The following KLHDC3 variants were observed in gnomAD, a reference collection of about 807,000 sequenced individuals.
KLHDC3 encodes the protein kelch domain-containing protein 3.
Under a neutral mutation model 44.1 loss-of-function variants are expected in KLHDC3, and 5 were observed. The observed-to-expected ratio is 0.11, with a 90% CI of 0.06 to 0.24. The LOEUF (loss-of-function observed/expected upper bound fraction) is 0.24, where lower values mean the gene tolerates loss of function less well. Ranked by LOEUF, KLHDC3 falls within the 10% of genes least tolerant of loss-of-function variation. The probability of loss-of-function intolerance (pLI) is 1.00; values close to 1 mark genes in which losing one functional copy is unlikely to be tolerated. For missense variants in KLHDC3, 247 were observed against 514.3 expected (o/e 0.48, Z 5.03); for synonymous variants, 170 against 189.0 (o/e 0.90, Z 0.82).
Position 43,018,234 on chromosome 6 carries a change from T to G in KLHDC3, c.519+18T>G. ...GTACAAAGGTCTGCTCTTTCTTTTTTTTCCCAAATCCCCACCCTCTGTTGA... is the reference window on the plus strand; with the variant it reads ...GTACAAAGGTCTGCTCTTTCTTTTTGTTCCCAAATCCCCACCCTCTGTTGA... On this transcript the variant is annotated intron_variant, in intron 5 of 10. Coordinates refer to ENST00000326974, the MANE Select transcript of KLHDC3 (RefSeq NM_057161.4). The surrounding 1 kb of genome is among the most constrained non-coding windows in gnomAD (Gnocchi z 6.0). 6.3e-7 allele frequency: 1 copy of G among 1,598,762 alleles called. No homozygotes were observed. The highest frequency in any genetic ancestry group is 1.3e-5 in the African/African-American group (1 of 74,520).
chr6:43,014,447 T>TGGGGG (rs1762506395), intron 1 of KLHDC3, 99 bp downstream of exon 1: 1 of 210,280 alleles, frequency 4.8e-6, no homozygotes, highest in African/African-American at 8.8e-5. Flanking sequence ...AGTGATGAGG[T>TGGGGG]GGGGGTGGGG....
At position 43,018,777 on chromosome 6, in the gene KLHDC3, A is replaced by G; in HGVS notation, c.820+58A>G. 6.4e-7 allele frequency: 1 copy of G among 1,573,460 alleles called. No individual in the cohort carries two copies. The highest frequency in any genetic ancestry group is 8.7e-7 in the Non-Finnish European group (1 of 1,142,942). On this transcript the variant is annotated intron_variant, in intron 7 of 10. Coordinates refer to ENST00000326974, the MANE Select transcript of KLHDC3 (RefSeq NM_057161.4). This position sits in a 1 kb window ranked among gnomAD's most constrained non-coding sequence, Gnocchi z 6.0. ...GAGCAATTGAGGTGGGAGGAAAAGA[A>G]AATAATCCTGAGGCGGTGAGGGATG...
In KLHDC3 at chr6:43,020,808, C is replaced by T. The variant is rs1157233640; in HGVS notation, c.*75C>T. 9.2e-5 allele frequency: 105 copies of T among 1,138,776 alleles called. No individual in the cohort carries two copies. Among genetic ancestry groups the T allele is most frequent in the Non-Finnish European group, 1.4e-4 (101 of 748,094 alleles). 70.5% of individuals were successfully genotyped at this position (1,138,776 alleles called of 1,614,324 possible). ...CCCCTGCCCATCTGTCACCCACCTG[C>T]TCCTTTGACCCCTGGACTTGGTATA... On this transcript the variant is annotated 3_prime_UTR_variant, in exon 11 of 11. Coordinates refer to ENST00000326974, the MANE Select transcript of KLHDC3 (RefSeq NM_057161.4).
At chr6:43,020,399 G>C (rs1762663035) in intron 10 of KLHDC3, among the ~76,000 whole-genome samples, 1 of 152,118 alleles carries the variant, frequency 6.6e-6, no homozygotes, top group Non-Finnish European at 1.5e-5. Flanking sequence ...ACAGATCTCA[G>C]GTGCCTGGAC....
chr6:43,019,205 T>TC, intron 9 of KLHDC3, 40 bp downstream of exon 9: 1 of 1,555,714 alleles, frequency 6.4e-7, no homozygotes, highest in Non-Finnish European at 8.9e-7. Context: ...GCCATCAAGG[T>TC]CCCTGTCTTT....
chr6:43,015,261 C>G (rs1250104091), intron 1 of KLHDC3, among the ~76,000 whole-genome samples: 3 of 151,074 alleles, frequency 2.0e-5, no homozygotes, highest in African/African-American at 4.9e-5. Flanking sequence ...GGTCCCATGG[C>G]TATTTAAAGC....
At position 43,018,730 on chromosome 6, in the gene KLHDC3, C is replaced by T; in HGVS notation, c.820+11C>T. Reference sequence around the variant, plus strand: ...GGAAGTTTAATCCTGGTAAAGAGCACTGCATTTAGGGCAGGAACAAGGAGC... The same window carrying T: ...GGAAGTTTAATCCTGGTAAAGAGCATTGCATTTAGGGCAGGAACAAGGAGC... On this transcript the variant is annotated intron_variant, in intron 7 of 10. Coordinates refer to ENST00000326974, the MANE Select transcript of KLHDC3 (RefSeq NM_057161.4). The surrounding 1 kb of genome is among the most constrained non-coding windows in gnomAD (Gnocchi z 6.0). 6.2e-7 allele frequency: 1 copy of T among 1,611,110 alleles called. No individual in the cohort carries two copies. The highest frequency in any genetic ancestry group is 8.5e-7 in the Non-Finnish European group (1 of 1,177,364).
chr6:43,014,301 T>TG lies in KLHDC3; in HGVS notation c.-106dup. 1 of 693,748 alleles carries TG rather than the reference T, an allele frequency of 1.4e-6. No individual in the cohort carries two copies. The highest frequency in any genetic ancestry group is 2.4e-6 in the Non-Finnish European group (1 of 419,852). 43.0% of individuals were successfully genotyped at this position (693,748 alleles called of 1,614,324 possible). On this transcript the variant is annotated 5_prime_UTR_variant, in exon 1 of 11. Coordinates refer to ENST00000326974, the MANE Select transcript of KLHDC3 (RefSeq NM_057161.4). The stretch of plus-strand genomic sequence containing the variant: ...GGTTGGCGCGCAACGGGTTCTAGGC[T>TG]GCAGGCAGCTCGAGGACCCGCGGCC...
chr6:43,014,740 T>A, intron 1 of KLHDC3: 1 of 389,290 alleles, frequency 2.6e-6, no homozygotes. Context: ...TTTCTTTCCT[T>A]AGTGGAGGTG....
chr6:43,018,553 G>T lies in KLHDC3; in HGVS notation c.730G>T (p.Ala244Ser). ...VLPEGRRSHS[A>S]FGYNGELYIF... Reference sequence around the variant, plus strand: ...GCCTGAGGGGCGCCGGAGCCACTCGGCCTGTGAGTGTTTGTTACTTCCCTG... The same window carrying T: ...GCCTGAGGGGCGCCGGAGCCACTCGTCCTGTGAGTGTTTGTTACTTCCCTG... Residue 244 changes from alanine (A) to serine (S), a missense_variant, in exon 6 of 11, where the codon GCC (alanine) becomes TCC (serine). By Grantham distance (99) the Ala-to-Ser change is moderately conservative (BLOSUM62 1). Around this residue, in one of 2 missense-constraint regions of KLHDC3, gnomAD observed 176 missense variants for 413.5 expected, o/e 0.43. Transcript: ENST00000326974. The surrounding 1 kb of genome is among the most constrained non-coding windows in gnomAD (Gnocchi z 6.0). The T allele has an allele frequency of 6.2e-7, 1 of 1,613,938 alleles. No homozygotes were observed. Among genetic ancestry groups the T allele is most frequent in the Non-Finnish European group, 8.5e-7 (1 of 1,179,940 alleles).
At position 43,020,989 on chromosome 6, in the gene KLHDC3, G is replaced by A. The variant is rs1762680428; in HGVS notation, c.*256G>A. On this transcript the variant is annotated 3_prime_UTR_variant, in exon 11 of 11. Transcript: ENST00000326974. Reference sequence around the variant, plus strand: ...TCCACCTCCTTTCAGCTGCTCCTGGGCCTCAGCTCTGCCCAGGGCCAGCCA... The same window carrying A: ...TCCACCTCCTTTCAGCTGCTCCTGGACCTCAGCTCTGCCCAGGGCCAGCCA... 1.6e-6 allele frequency: 1 copy of A among 625,668 alleles called. No individual in the cohort carries two copies. The highest frequency in any genetic ancestry group is 3.0e-6 in the Non-Finnish European group (1 of 336,248). The allele number at this position is 625,668 out of a possible 1,614,324, so 38.8% of individuals were successfully genotyped here. A position where few individuals can be genotyped will look rare whatever the true frequency, so the allele number is the denominator to read the frequency against.
Position 43,017,366 on chromosome 6 carries a change from G to C in KLHDC3, c.154+20G>C. The stretch of plus-strand genomic sequence containing the variant: ...ATGCAGGTAAGCCAATGCTGGGGCT[G>C]TCCCTGGGTCCCCACATCAGGGTGG... On this transcript the variant is annotated intron_variant, in intron 2 of 10. Coordinates refer to ENST00000326974, the MANE Select transcript of KLHDC3 (RefSeq NM_057161.4). The surrounding 1 kb of genome is among the most constrained non-coding windows in gnomAD (Gnocchi z 6.0). 1 of 1,602,514 alleles carries C rather than the reference G, an allele frequency of 6.2e-7. No individual in the cohort carries two copies. Among genetic ancestry groups the C allele is most frequent in the Non-Finnish European group, 8.5e-7 (1 of 1,172,190 alleles).
chr6:43,015,697 A>C (rs1041124207), intron 1 of KLHDC3, among the ~76,000 whole-genome samples: 1 of 151,830 alleles, frequency 6.6e-6, no homozygotes, highest in Non-Finnish European at 1.5e-5. Flanking sequence ...TAAAAATACA[A>C]AAATTAGCTG....
rs770767490 is a variant in KLHDC3 at position 43,017,355 on chromosome 6, A to G, written c.154+9A>G. The G allele has an allele frequency of 6.8e-6, 11 of 1,608,274 alleles. No individual in the cohort carries two copies. The highest frequency in any genetic ancestry group is 4.0e-5 in the African/African-American group (3 of 74,872). On this transcript the variant is annotated intron_variant, in intron 2 of 10. Coordinates refer to ENST00000326974, the MANE Select transcript of KLHDC3 (RefSeq NM_057161.4). The surrounding 1 kb of genome is among the most constrained non-coding windows in gnomAD (Gnocchi z 6.0). ...GCACATTTTCAATGCAGGTAAGCCA[A>G]TGCTGGGGCTGTCCCTGGGTCCCCA... is the stretch of plus-strand genomic sequence containing the variant.
In KLHDC3 at chr6:43,018,408, T is replaced by C. The variant is rs1244154987; in HGVS notation, c.585T>C (p.Phe195=). 3 of 1,614,046 alleles carry C rather than the reference T, an allele frequency of 1.9e-6. No homozygotes were observed. The highest frequency in any genetic ancestry group is 2.7e-5 in the African/African-American group (2 of 74,930). ...TGCTGGGAAGTCACATGTATGTCTT[T>C]GGGGGCCGTGCCGACCGCTTTGGGC... ...ATMLGSHMYV[F]GGRADRFGPF... The change falls in exon 6 of 11, where the codon TTT becomes TTC. Residue 195 remains phenylalanine (F), a synonymous_variant. Coordinates refer to ENST00000326974, the MANE Select transcript of KLHDC3 (RefSeq NM_057161.4). This position sits in a 1 kb window ranked among gnomAD's most constrained non-coding sequence, Gnocchi z 6.0.
In KLHDC3 at chr6:43,017,718, C is replaced by G. The variant is rs765711173; in HGVS notation, c.331+23C>G. 1.5e-5 allele frequency: 24 copies of G among 1,606,292 alleles called. No individual in the cohort carries two copies. In the Admixed American group the frequency reaches 2.3e-4, roughly 16 times the overall value. On this transcript the variant is annotated intron_variant, in intron 3 of 10. Coordinates refer to ENST00000326974, the MANE Select transcript of KLHDC3 (RefSeq NM_057161.4). This position sits in a 1 kb window ranked among gnomAD's most constrained non-coding sequence, Gnocchi z 6.0. Reference sequence around the variant, plus strand: ...TCAGTGAGTATGGATCTCAGAGAGGCTATGTCCTTCCAGATGTTGCCTCAG... The same window carrying G: ...TCAGTGAGTATGGATCTCAGAGAGGGTATGTCCTTCCAGATGTTGCCTCAG...
Position 43,017,623 on chromosome 6 carries a change from G to A in KLHDC3, c.259G>A (p.Asp87Asn), listed in dbSNP as rs962420421. The A allele has an allele frequency of 8.7e-6, 14 of 1,614,018 alleles. No individual in the cohort carries two copies. The highest frequency in any genetic ancestry group is 6.7e-5 in the African/African-American group (5 of 74,932). Residue 87 changes from aspartate (D) to asparagine (N), a missense_variant, in exon 3 of 11, where the codon GAC becomes AAC. By Grantham distance (23) the Asp-to-Asn change is conservative. Transcript: ENST00000326974. This position sits in a 1 kb window ranked among gnomAD's most constrained non-coding sequence, Gnocchi z 6.0. ...TGGACACTCAACCGTCCTCATCGAC[G>A]ACACAGTCCTCCTTTGGGGCGGGCG... ...RYGHSTVLID[D>N]TVLLWGGRND...
rs1471687587 is a variant in KLHDC3, at chr6:43,018,839, ACTT to A, written c.821-22_821-20del. ...GATACCTGGACTAGGCAGGTATTGA[ACTT>A]CCATATAAATTTCTCTTCAGTGTCC... On this transcript the variant is annotated intron_variant, in intron 7 of 10. Coordinates refer to ENST00000326974, the MANE Select transcript of KLHDC3 (RefSeq NM_057161.4). This position sits in a 1 kb window ranked among gnomAD's most constrained non-coding sequence, Gnocchi z 6.0. 1.3e-6 allele frequency: 2 copies of A among 1,581,184 alleles called. No individual in the cohort carries two copies. The highest frequency in any genetic ancestry group is 3.4e-5 in the Admixed American group (2 of 59,152).
At chr6:43,016,091 G>A (rs1027914938) in intron 1 of KLHDC3, among the ~76,000 whole-genome samples, 2 of 151,680 alleles carry the variant, frequency 1.3e-5, no homozygotes, top group African/African-American at 2.4e-5. Flanking sequence ...GCGCGCCACC[G>A]TGCCCAGCTA....
Sources: gnomAD v4.1 joint callset for allele counts (sites outside exome capture counted in the v4.1 genomes callset) on GRCh38, gnomAD v4.1.1 for gene constraint, gnomAD v4.1.1 regional missense constraint, Gnocchi (gnomAD v3.1) non-coding constraint, MANE v1.5 for transcripts, NCBI Gene and HGNC (gene_info 2026-07-23, HGNC 2026-07-21) for gene names.